AOC2: variants seen among roughly 807,000 people sequenced by gnomAD.
AOC2 encodes amine oxidase [copper-containing] 2.
A neutral mutation model predicts 53.8 loss-of-function variants in AOC2; 57 were observed. The ratio of observed to expected loss-of-function variants is 1.06; its 90% CI spans 0.86 to 1.32. The LOEUF (loss-of-function observed/expected upper bound fraction) is 1.32, where lower values mean the gene tolerates loss of function less well. AOC2 is among the 40% of genes most tolerant of loss of function. The pLI, the probability that AOC2 is intolerant of heterozygous loss-of-function variation, is 0.00. For missense variants in AOC2, 1,008 were observed against 957.2 expected, an observed-to-expected ratio of 1.05 and a Z score of -0.70; for synonymous variants, 404 against 399.0, an observed-to-expected ratio of 1.01 and a Z score of -0.15.
rs1381303353 is a variant in AOC2, at chr17:42,845,160, T to A, written c.534T>A (p.His178Gln). The change falls in exon 1 of 4, where the codon CAT becomes CAA. Residue 178 changes from histidine (H) to glutamine (Q), a missense_variant. Transcript: ENST00000253799. The stretch of plus-strand genomic sequence containing the variant: ...CTGAGTTTACACAGATGTGGAGGCA[T>A]CTGAAAGAGGTGGAGCTACCCAAGG... ...LRAEFTQMWR[H>Q]LKEVELPKAP... 1 of 1,613,782 alleles carries A rather than the reference T, an allele frequency of 6.2e-7. No individual in the cohort carries two copies. The highest frequency in any genetic ancestry group is 8.5e-7 in the Non-Finnish European group (1 of 1,180,032).
At position 42,849,719 on chromosome 17, in the gene AOC2, C is replaced by T. The variant is rs778361657; in HGVS notation, c.1993C>T (p.Leu665Phe). Residue 665 changes from leucine to phenylalanine, a missense_variant, in exon 3 of 4, where the codon CTC becomes TTC. Transcript: ENST00000253799. ...TFADFINNETLLGEDLVAWVT... is the reference protein window; with the variant it reads ...TFADFINNETFLGEDLVAWVT... Reference sequence around the variant, plus strand: ...TGCTGACTTCATCAACAATGAAACCCTCTTAGGAGAGGTTGGTTGCCCTAG... The same window carrying T: ...TGCTGACTTCATCAACAATGAAACCTTCTTAGGAGAGGTTGGTTGCCCTAG... 1.4e-5 allele frequency: 23 copies of T among 1,614,118 alleles called. No homozygotes were observed. The highest frequency in any genetic ancestry group is 1.9e-5 in the Non-Finnish European group (23 of 1,180,050).
chr17:42,849,766 G>A (rs1212177326), intron 3 of AOC2, 36 bp downstream of exon 3: 1 of 1,613,414 alleles, frequency 6.2e-7, no homozygotes, highest in Non-Finnish European at 8.5e-7. Flanking sequence ...AGGGACACCT[G>A]TGGGCATGGC....
chr17:42,850,542 T>A lies in AOC2; in HGVS notation c.*194T>A, dbSNP rs1821608025. ...TCTCTAAAGTGTTAAATTATAAAAA[T>A]GATTTTTAAATATTCAAAGAAAAAT... is the stretch of plus-strand genomic sequence containing the variant. On this transcript the variant is annotated 3_prime_UTR_variant, in exon 4 of 4. Transcript: ENST00000253799. 3 of 563,526 alleles carry A rather than the reference T, an allele frequency of 5.3e-6. No homozygotes were observed. The highest frequency in any genetic ancestry group is 1.0e-4 in the South Asian group (2 of 20,090). 34.9% of individuals were successfully genotyped at this position (563,526 alleles called of 1,614,324 possible). A position where few individuals can be genotyped will look rare whatever the true frequency, so the allele number is the denominator to read the frequency against.
In AOC2 at chr17:42,850,346, T is replaced by C. The variant is rs536943629; in HGVS notation, c.2269T>C (p.Ter757GlnextTer2). The C allele has an allele frequency of 9.4e-6, 15 of 1,594,130 alleles. No homozygotes were observed. The African/African-American group carries it at 1.9e-4, about 20-fold the overall frequency. ...DLPPFSYHGF* is the reference protein window; with the variant it reads ...DLPPFSYHGFQ The stretch of plus-strand genomic sequence containing the variant: ...ACCCCCTTTCTCTTACCACGGCTTC[T>C]AGTCCTGAGGGTGTGGCGGGCGGCG... The change falls in exon 4 of 4, where the codon TAG (stop) becomes CAG (glutamine). Residue 757 changes from the stop codon to glutamine, a stop_lost. Coordinates refer to ENST00000253799, the MANE Select transcript of AOC2 (RefSeq NM_009590.4).
chr17:42,845,961 C>A lies in AOC2; in HGVS notation c.1335C>A (p.Phe445Leu), dbSNP rs577353181. 1 of 1,614,196 alleles carries A rather than the reference C, an allele frequency of 6.2e-7. No individual in the cohort carries two copies. The highest frequency in any genetic ancestry group is 8.5e-7 in the Non-Finnish European group (1 of 1,180,044). The stretch of plus-strand genomic sequence containing the variant: ...ACCACAATTACCTTCAAAATCATTT[C>A]TATGGTGGTTTGGCCAGCTCAGCCC... ...RRHHNYLQNH[F>L]YGGLASSALV... is the part of the protein sequence containing the mutation. Residue 445 changes from phenylalanine (F) to leucine (L), a missense_variant, in exon 1 of 4, where the codon TTC becomes TTA. Phe to Leu is a conservative substitution (Grantham distance 22, BLOSUM62 0). Coordinates refer to ENST00000253799, the MANE Select transcript of AOC2 (RefSeq NM_009590.4).
intron 1 of AOC2, among the ~76,000 whole-genome samples, chr17:42,848,362 A>G (rs1413040022): frequency 6.6e-6 from 1 of 151,470 alleles, no homozygotes; most frequent in Non-Finnish European, 1.5e-5. Context: ...AAAGTGAATC[A>G]GAGAAGCAAA....
At chr17:42,846,299 C>G in intron 1 of AOC2, 85 bp downstream of exon 1, 1 of 1,428,050 alleles carries the variant, frequency 7.0e-7, no homozygotes. Flanking sequence ...CCAGGTCAAG[C>G]TGAAATAACA....
intron 1 of AOC2, among the ~76,000 whole-genome samples, chr17:42,847,583 C>G (rs1211419131): frequency 6.6e-6 from 1 of 152,170 alleles, no homozygotes; most frequent in Non-Finnish European, 1.5e-5. Context: ...AGTGAAGTCT[C>G]AGAGCTGGGA....
At position 42,845,340 on chromosome 17, in the gene AOC2, G is replaced by A; in HGVS notation, c.714G>A (p.Gly238=). 1 of 1,614,220 alleles carries A rather than the reference G, an allele frequency of 6.2e-7. No homozygotes were observed. The highest frequency in any genetic ancestry group is 1.1e-5 in the South Asian group (1 of 91,082). The change falls in exon 1 of 4, where the codon GGG becomes GGA. Residue 238 remains glycine (G), a synonymous_variant. Coordinates refer to ENST00000253799, the MANE Select transcript of AOC2 (RefSeq NM_009590.4). The part of the protein sequence containing the change: ...SGVGLFLHPV[G]LELLLDHRAL... Reference sequence around the variant, plus strand: ...TTGGTCTTTTCCTTCACCCCGTGGGGCTGGAGCTACTACTGGACCACAGGG... The same window carrying A: ...TTGGTCTTTTCCTTCACCCCGTGGGACTGGAGCTACTACTGGACCACAGGG...
intron 1 of AOC2, among the ~76,000 whole-genome samples, chr17:42,848,403 C>G (rs2055614600): frequency 6.6e-6 from 1 of 151,466 alleles, no homozygotes; most frequent in African/African-American, 2.4e-5. Context: ...TAGTCCAGTG[C>G]TAATAGAACT....
At chr17:42,849,784 C>T (rs1447330652) in intron 3 of AOC2, 54 bp downstream of exon 3, 1 of 1,610,070 alleles carries the variant, frequency 6.2e-7, no homozygotes, top group Admixed American at 1.7e-5. Context: ...GGCATCTTGG[C>T]TGCCCAGCCT....
rs1355308014 is a variant in AOC2 at position 42,850,127 on chromosome 17, G to A, written c.2050G>A (p.Ala684Thr). 1 of 1,614,168 alleles carries A rather than the reference G, an allele frequency of 6.2e-7. No individual in the cohort carries two copies. The highest frequency in any genetic ancestry group is 1.1e-5 in the South Asian group (1 of 91,078). The change falls in exon 4 of 4, where the codon GCC becomes ACC. Residue 684 changes from alanine (A) to threonine (T), a missense_variant. Physicochemically the swap from Ala to Thr is moderately conservative, Grantham distance 58. Transcript: ENST00000253799. ...VTASFLHIPHAEDIPNTVTLG... is the reference protein window; with the variant it reads ...VTASFLHIPHTEDIPNTVTLG... Reference sequence around the variant, plus strand: ...AGCCAGCTTCCTGCACATTCCCCATGCCGAGGACATCCCAAACACAGTGAC... The same window carrying A: ...AGCCAGCTTCCTGCACATTCCCCATACCGAGGACATCCCAAACACAGTGAC...
Position 42,849,135 on chromosome 17 carries a change from T to G in AOC2, c.1638T>G (p.Ala546=), listed in dbSNP as rs2055622722. 6.2e-7 allele frequency: 1 copy of G among 1,613,986 alleles called. No individual in the cohort carries two copies. Among genetic ancestry groups the G allele is most frequent in the Non-Finnish European group, 8.5e-7 (1 of 1,179,976 alleles). ...AAGACGTGGTGTTTAAACCTGTGGC[T>G]GCCCCCTGGAACCCGGAGCACTGGC... ...VAEDVVFKPV[A]APWNPEHWLQ... The change falls in exon 2 of 4, where the codon GCT becomes GCG. Residue 546 remains alanine, a synonymous_variant. Transcript: ENST00000253799.
At position 42,845,546 on chromosome 17, in the gene AOC2, C is replaced by T. The variant is rs759545189; in HGVS notation, c.920C>T (p.Pro307Leu). The T allele has an allele frequency of 6.2e-7, 1 of 1,614,246 alleles. No individual in the cohort carries two copies. Among genetic ancestry groups the T allele is most frequent in the Non-Finnish European group, 8.5e-7 (1 of 1,180,048 alleles). The change falls in exon 1 of 4, where the codon CCT (proline) becomes CTT (leucine). Residue 307 changes from proline (P) to leucine (L), a missense_variant. Pro to Leu is a moderately conservative substitution (Grantham distance 98, BLOSUM62 -3). Coordinates refer to ENST00000253799, the MANE Select transcript of AOC2 (RefSeq NM_009590.4). ...RSRNSPGPLPPLQFSPQGSQY... is the reference protein window; with the variant it reads ...RSRNSPGPLPLLQFSPQGSQY... Reference sequence around the variant, plus strand: ...CGGAACTCTCCAGGTCCTCTTCCCCCTCTTCAGTTCTCGCCCCAGGGTTCC... The same window carrying T: ...CGGAACTCTCCAGGTCCTCTTCCCCTTCTTCAGTTCTCGCCCCAGGGTTCC...
Position 42,845,073 on chromosome 17 carries a change from G to A in AOC2, c.447G>A (p.Arg149=), listed in dbSNP as rs761888439. ...VGPLPHPSYM[R]DVTVERHGGP... ...CGCTGCCTCACCCCTCGTACATGCG[G>A]GATGTGACTGTGGAGCGTCACGGCG... The change falls in exon 1 of 4, where the codon CGG becomes CGA. Residue 149 remains arginine (R), a synonymous_variant. Transcript: ENST00000253799. The A allele has an allele frequency of 1.2e-5, 20 of 1,614,008 alleles. No individual in the cohort carries two copies. The East Asian group carries it at 4.0e-4, about 32-fold the overall frequency.
In AOC2 at chr17:42,850,332, C is replaced by T. The variant is rs200452450; in HGVS notation, c.2255C>T (p.Ser752Phe). 6.3e-7 allele frequency: 1 copy of T among 1,599,764 alleles called. No individual in the cohort carries two copies. ...AACVPDLPPFSYHGF is the reference protein window; with the variant it reads ...AACVPDLPPFFYHGF ...TGTGTCCCGGACTTACCCCCTTTCT[C>T]TTACCACGGCTTCTAGTCCTGAGGG... The change falls in exon 4 of 4, where the codon TCT (serine) becomes TTT (phenylalanine). Residue 752 changes from serine to phenylalanine, a missense_variant. By Grantham distance (155) the Ser-to-Phe change is radical (BLOSUM62 -2). Transcript: ENST00000253799.
At position 42,844,852 on chromosome 17, in the gene AOC2, G is replaced by C; in HGVS notation, c.226G>C (p.Gly76Arg). The C allele has an allele frequency of 6.2e-7, 1 of 1,612,024 alleles. No homozygotes were observed. Among genetic ancestry groups the C allele is most frequent in the Non-Finnish European group, 8.5e-7 (1 of 1,178,488 alleles). Residue 76 changes from glycine (G) to arginine (R), a missense_variant, in exon 1 of 4, where the codon GGG (glycine) becomes CGG (arginine). Gly to Arg is a moderately radical substitution (Grantham distance 125). Transcript: ENST00000253799. ...GATGCGCTTTCTGACCCAGCGGCTG[G>C]GGCCAGGGCTGGTGGACGCAGCCCA... ...AVMRFLTQRL[G>R]PGLVDAAQAQ...
At chr17:42,848,091 T>A (rs1432999151) in intron 1 of AOC2, among the ~76,000 whole-genome samples, 7 of 141,302 alleles carry the variant, frequency 5.0e-5, no homozygotes, top group African/African-American at 2.0e-4. Context: ...TTTTTTTTTT[T>A]AAGAGGCAGT....
At chr17:42,848,591 C>T (rs140102289) in intron 1 of AOC2, among the ~76,000 whole-genome samples, 2,703 of 144,442 alleles carry the variant, frequency 0.019, 94 homozygotes, top group African/African-American at 0.07. Context: ...TGCTCTGTTG[C>T]CCAGGCTAGA....
Sources: gnomAD v4.1 joint callset for allele counts (sites outside exome capture counted in the v4.1 genomes callset) on GRCh38, gnomAD v4.1.1 for gene constraint, MANE v1.5 for transcripts, NCBI Gene and HGNC (gene_info 2026-07-23, HGNC 2026-07-21) for gene names.